Variants in EVI5 observed in about 807,000 individuals in gnomAD.
The protein encoded by EVI5 is ecotropic viral integration site 5.
EVI5 carries 73 observed loss-of-function variants against 112.0 expected under a neutral mutation model. That is an observed-to-expected ratio of 0.65 (90% CI 0.54 to 0.79). The LOEUF is 0.79. Among genes scored for constraint, EVI5 ranks in the 30% least tolerant of loss-of-function variants. The pLI, the probability that EVI5 is intolerant of heterozygous loss-of-function variation, is 0.00. For synonymous variants in EVI5, 305 were observed against 319.9 expected (o/e 0.95, Z 0.50); for missense variants, 900 against 968.8 (o/e 0.93, Z 0.94).
At chr1:92,540,478 T>A (rs1664613341) in intron 19 of EVI5, among the ~76,000 whole-genome samples, 1 of 152,210 alleles carries the variant, frequency 6.6e-6, no homozygotes, top group South Asian at 2.1e-4. Flanking sequence ...TGGTATATCA[T>A]TTTTGGAAAA....
intron 19 of EVI5, among the ~76,000 whole-genome samples, chr1:92,519,522 T>C (rs1660513747): frequency 6.6e-6 from 1 of 152,162 alleles, no homozygotes; most frequent in Non-Finnish European, 1.5e-5. Context: ...ACACTCACAT[T>C]AAAACACTAT....
chr1:92,784,281 T>C (rs1685299417), intron 1 of EVI5: 1 of 984,608 alleles, frequency 1.0e-6, no homozygotes, highest in Admixed American at 6.2e-5. Flanking sequence ...ATTTGAGGCT[T>C]GCCCCACTAG....
At chr1:92,551,004 T>C (rs1469392315) in intron 19 of EVI5, among the ~76,000 whole-genome samples, 1 of 144,176 alleles carries the variant, frequency 6.9e-6, no homozygotes, top group Non-Finnish European at 1.5e-5. Context: ...ACCAGATAAA[T>C]TGCACTAATT....
At chr1:92,735,985 A>G (rs944547757) in intron 2 of EVI5, among the ~76,000 whole-genome samples, 30 of 151,134 alleles carry the variant, frequency 2.0e-4, no homozygotes, top group Non-Finnish European at 4.3e-4. Flanking sequence ...TACCATTAGG[A>G]GAAAAGGATA....
chr1:92,782,584 C>A (rs1302794946), intron 1 of EVI5, among the ~76,000 whole-genome samples: 1 of 151,890 alleles, frequency 6.6e-6, no homozygotes, highest in Non-Finnish European at 1.5e-5. Context: ...ACTAGACTAG[C>A]AAAAAAAATT....
chr1:92,608,484 A>G (rs1650968758), intron 16 of EVI5, among the ~76,000 whole-genome samples: 1 of 152,116 alleles, frequency 6.6e-6, no homozygotes, highest in South Asian at 2.1e-4. Flanking sequence ...TGGGCAGATC[A>G]CTTGTGGCCA....
chr1:92,528,908 T>A lies in EVI5; in HGVS notation c.2167-14938A>T, dbSNP rs544762934. Among the ~76,000 whole-genome samples the A allele has an allele frequency of 5.3e-5, 8 of 152,324 alleles. No homozygotes were observed. In the East Asian group the frequency reaches 1.5e-3, roughly 29 times the overall value. ...GATAATTCATCAAGCTAGATACTTA[T>A]GGTGTGTATTTTTCTGTACATATCT... On this transcript the variant is annotated intron_variant, in intron 19 of 19. Coordinates refer to ENST00000684568, the MANE Select transcript of EVI5 (RefSeq NM_001350197.2).
intron 1 of EVI5, among the ~76,000 whole-genome samples, chr1:92,778,388 C>T (rs924807683): frequency 1.3e-5 from 2 of 152,112 alleles, no homozygotes; most frequent in African/African-American, 4.8e-5. Context: ...TGAGTGGCCC[C>T]ACCCTCAATG....
chr1:92,624,334 G>A lies in EVI5; in HGVS notation c.1669C>T (p.Arg557Cys), dbSNP rs142784307. 7.6e-5 allele frequency: 122 copies of A among 1,610,844 alleles called. No homozygotes were observed. Among genetic ancestry groups the A allele is most frequent in the East Asian group, 4.5e-5 (2 of 44,856 alleles). The change falls in exon 16 of 20, where the codon CGC (arginine) becomes TGC (cysteine). Residue 557 changes from arginine to cysteine, a missense_variant and splice_region_variant. Transcript: ENST00000684568. ...QVKDLEEHWQ[R>C]HLARTTGRWK... ...CTCCCAGTAGTACGAGCTAAGTGGC[G>A]CTAAAGCATAAAAAATTATATTGCA... is the stretch of plus-strand genomic sequence containing the variant.
intron 16 of EVI5, among the ~76,000 whole-genome samples, chr1:92,611,278 A>C (rs1326616232): frequency 1.3e-5 from 2 of 152,124 alleles, no homozygotes; most frequent in East Asian, 3.8e-4. Context: ...GAGATCTATA[A>C]AGGAAGGGTA....
At chr1:92,557,981 A>G (rs1667944728) in intron 19 of EVI5, among the ~76,000 whole-genome samples, 1 of 152,044 alleles carries the variant, frequency 6.6e-6, no homozygotes, top group Non-Finnish European at 1.5e-5. Flanking sequence ...CAAGTGATCC[A>G]CCTGCTTCAG....
chr1:92,607,643 T>A lies in EVI5; in HGVS notation c.1912A>T (p.Asn638Tyr). The A allele has an allele frequency of 6.2e-7, 1 of 1,607,588 alleles. No individual in the cohort carries two copies. The highest frequency in any genetic ancestry group is 2.2e-5 in the East Asian group (1 of 44,724). The stretch of plus-strand genomic sequence containing the variant: ...CTTAATTGAGTAAGGAGTCCTTTGT[T>A]CTGTGCAGAAAGATACTGCACTTTC... ...QEKVQYLSAQ[N>Y]KGLLTQLSEA... is the part of the protein sequence containing the mutation. Residue 638 changes from asparagine (N) to tyrosine (Y), a missense_variant, in exon 17 of 20, where the codon AAC becomes TAC. Transcript: ENST00000684568.
intron 16 of EVI5, among the ~76,000 whole-genome samples, chr1:92,614,468 G>T (rs1387752022): frequency 6.6e-6 from 1 of 152,116 alleles, no homozygotes; most frequent in Non-Finnish European, 1.5e-5. Flanking sequence ...GTCTGTGAGG[G>T]TGTTGCCAAA....
At chr1:92,635,532 G>C (rs191173443) in intron 14 of EVI5, among the ~76,000 whole-genome samples, 1 of 152,158 alleles carries the variant, frequency 6.6e-6, no homozygotes, top group South Asian at 2.1e-4. Flanking sequence ...TCGGAAAAGC[G>C]CAGTATTAGG....
chr1:92,609,877 T>C (rs1366530323), intron 16 of EVI5, among the ~76,000 whole-genome samples: 2 of 151,726 alleles, frequency 1.3e-5, no homozygotes, highest in Non-Finnish European at 2.9e-5. Flanking sequence ...CTCTCTCTTT[T>C]TTGTTTTTTT....
chr1:92,684,638 G>A (rs1478264878), intron 9 of EVI5, among the ~76,000 whole-genome samples: 2 of 152,026 alleles, frequency 1.3e-5, no homozygotes, highest in African/African-American at 4.8e-5. Context: ...ACCCATCAGT[G>A]TGCTGTATTC....
At chr1:92,634,726 C>T (rs143997056) in intron 14 of EVI5, among the ~76,000 whole-genome samples, 152 of 152,320 alleles carry the variant, frequency 1.0e-3, no homozygotes, top group African/African-American at 3.5e-3. Context: ...TGGTGAGGAG[C>T]TGCGTTCCTT....
At position 92,763,471 on chromosome 1, in the gene EVI5, T is replaced by C. The variant is rs1194134931; in HGVS notation, c.-82+21365A>G. ...TAGTGCTTTCGGAGGCCAAATTAGC[T>C]GGGCATGGTGGTGTGTGCCTGTAGT... On this transcript the variant is annotated intron_variant, in intron 1 of 19. Coordinates refer to ENST00000684568, the MANE Select transcript of EVI5 (RefSeq NM_001350197.2). 8.6e-5 allele frequency among the ~76,000 whole-genome samples: 13 copies of C among 151,828 alleles called. No homozygotes were observed. The East Asian group carries it at 2.5e-3, about 29-fold the overall frequency.
chr1:92,575,867 C>A (rs778709346), intron 18 of EVI5, among the ~76,000 whole-genome samples: 6 of 151,978 alleles, frequency 3.9e-5, no homozygotes, highest in Non-Finnish European at 4.4e-5. Context: ...CCTTGCCTGA[C>A]CTTATGCATT....
Sources: gnomAD v4.1 joint callset for allele counts (sites outside exome capture counted in the v4.1 genomes callset) on GRCh38, gnomAD v4.1.1 for gene constraint, MANE v1.5 for transcripts, NCBI Gene and HGNC (gene_info 2026-07-23, HGNC 2026-07-21) for gene names.